The following DSCAML1 variants were observed in gnomAD, a reference collection of about 807,000 sequenced individuals.
DSCAML1 encodes the protein DS cell adhesion molecule like 1.
Under a neutral mutation model 200.5 loss-of-function variants are expected in DSCAML1, and 38 were observed. The observed-to-expected ratio is 0.19, with a 90% CI of 0.15 to 0.25. The LOEUF (loss-of-function observed/expected upper bound fraction) is 0.25, where lower values mean the gene tolerates loss of function less well. Ranked by LOEUF, DSCAML1 falls within the 10% of genes least tolerant of loss-of-function variation. The pLI is 1.00. For synonymous variants in DSCAML1, 1,215 were observed against 1,165.0 expected (o/e 1.04, Z -0.87); for missense variants, 2,223 against 2,858.8 (o/e 0.78, Z 5.07).
chr11:117,697,669 C>T (rs1032742684), intron 3 of DSCAML1, among the ~76,000 whole-genome samples: 1 of 151,804 alleles, frequency 6.6e-6, no homozygotes, highest in Non-Finnish European at 1.5e-5. Flanking sequence ...CTAGGTACCT[C>T]GTATAAGTGG....
Position 117,797,157 on chromosome 11 carries a change from G to A in DSCAML1, c.-78C>T, listed in dbSNP as rs764301173. On this transcript the variant is annotated 5_prime_UTR_variant, in exon 1 of 33. Transcript: ENST00000651296. Reference sequence around the variant, plus strand: ...GCAGCGCCTCTCCCCCGCTCAGCGCGCTCCCAGCCGCCCGCACTCGGCGCC... The same window carrying A: ...GCAGCGCCTCTCCCCCGCTCAGCGCACTCCCAGCCGCCCGCACTCGGCGCC... 1.0e-5 allele frequency: 16 copies of A among 1,585,688 alleles called. No homozygotes were observed. Among genetic ancestry groups the A allele is most frequent in the South Asian group, 5.7e-5 (5 of 87,626 alleles).
chr11:117,815,829 G>A (rs1317419699), intron 1 of DSCAML1, among the ~76,000 whole-genome samples: 12 of 150,962 alleles, frequency 7.9e-5, no homozygotes, highest in African/African-American at 2.7e-4. Flanking sequence ...GCTCTGCCCT[G>A]GTCTCCCGCC....
rs1049313379 is a variant in DSCAML1, at chr11:117,481,981, C to T, written c.2541G>A (p.Glu847=). The T allele has an allele frequency of 3.1e-6, 5 of 1,613,986 alleles. No homozygotes were observed. Among genetic ancestry groups the T allele is most frequent in the Non-Finnish European group, 4.2e-6 (5 of 1,180,012 alleles). ...YAIATKDNGD[E]VVSTLKLKPA... ...TGCTCACCTTCAGTGTGGAGACGACCTCGTCGCCGTTGTCCTTGGTGGCGA... is the reference window on the plus strand; with the variant it reads ...TGCTCACCTTCAGTGTGGAGACGACTTCGTCGCCGTTGTCCTTGGTGGCGA... The change falls in exon 12 of 33, where the codon GAG becomes GAA. Residue 847 remains glutamate (E), a synonymous_variant. Transcript: ENST00000651296.
intron 3 of DSCAML1, among the ~76,000 whole-genome samples, chr11:117,654,300 A>G (rs2052691507): frequency 6.6e-6 from 1 of 152,198 alleles, no homozygotes. Flanking sequence ...CTGTGAGTAT[A>G]CTAAAGATCA....
chr11:117,680,020 C>G (rs1292952256), intron 3 of DSCAML1, among the ~76,000 whole-genome samples: 1 of 152,196 alleles, frequency 6.6e-6, no homozygotes, highest in East Asian at 1.9e-4. Context: ...TTTCCTTCCA[C>G]TCTCAGCACC....
chr11:117,528,401 C>G (rs2050017411), intron 4 of DSCAML1, among the ~76,000 whole-genome samples: 3 of 152,228 alleles, frequency 2.0e-5, no homozygotes, highest in Non-Finnish European at 4.4e-5. Context: ...TACTCCAGAG[C>G]AGAAGTAAAA....
At chr11:117,711,926 C>T (rs2053856636) in intron 3 of DSCAML1, among the ~76,000 whole-genome samples, 1 of 152,196 alleles carries the variant, frequency 6.6e-6, no homozygotes, top group East Asian at 1.9e-4. Flanking sequence ...ACTCCCATTA[C>T]ATTTGTTAAC....
chr11:117,476,082 G>A (rs987952657), intron 14 of DSCAML1, among the ~76,000 whole-genome samples: 5 of 152,100 alleles, frequency 3.3e-5, no homozygotes, highest in Non-Finnish European at 5.9e-5. Context: ...CCTTTCATAT[G>A]AGCCTGGCTT....
At chr11:117,623,278 G>A (rs976729044) in intron 3 of DSCAML1, among the ~76,000 whole-genome samples, 1 of 146,554 alleles carries the variant, frequency 6.8e-6, no homozygotes, top group Non-Finnish European at 1.5e-5. Context: ...GTGCAGTGGC[G>A]TGATCTCAGT....
At chr11:117,625,141 TC>T (rs953439939) in intron 3 of DSCAML1, among the ~76,000 whole-genome samples, 1 of 151,644 alleles carries the variant, frequency 6.6e-6, no homozygotes, top group African/African-American at 2.4e-5. Flanking sequence ...AGTCTCTACC[TC>T]TCCCACCCCA....
chr11:117,610,357 C>T (rs1263996662), intron 3 of DSCAML1, among the ~76,000 whole-genome samples: 2 of 152,190 alleles, frequency 1.3e-5, no homozygotes, highest in African/African-American at 2.4e-5. Flanking sequence ...ACATTACACT[C>T]ACACCTCCAG....
intron 3 of DSCAML1, among the ~76,000 whole-genome samples, chr11:117,625,578 T>C (rs564485538): frequency 2.6e-5 from 4 of 152,304 alleles, no homozygotes; most frequent in African/African-American, 9.6e-5. Context: ...AGGTCAGCCC[T>C]AGCGTCCAGG....
At chr11:117,583,215 C>T (rs964248481) in intron 3 of DSCAML1, among the ~76,000 whole-genome samples, 2 of 151,962 alleles carry the variant, frequency 1.3e-5, no homozygotes, top group African/African-American at 4.8e-5. Flanking sequence ...TACCCATTGT[C>T]AGTGCAGCTT....
chr11:117,779,073 T>A (rs2055184697), intron 2 of DSCAML1, among the ~76,000 whole-genome samples: 1 of 152,092 alleles, frequency 6.6e-6, no homozygotes, highest in Non-Finnish European at 1.5e-5. Flanking sequence ...CCCCAAGAAG[T>A]CAGAGAGGGT....
intron 1 of DSCAML1, among the ~76,000 whole-genome samples, chr11:117,805,501 A>G (rs1390278388): frequency 1.3e-5 from 2 of 152,248 alleles, no homozygotes; most frequent in Admixed American, 1.3e-4. Flanking sequence ...TTTGGAAAAC[A>G]GTGGAATAAT....
chr11:117,467,175 G>A (rs962023956), intron 16 of DSCAML1, among the ~76,000 whole-genome samples: 21 of 144,024 alleles, frequency 1.5e-4, no homozygotes, highest in Non-Finnish European at 2.7e-4. Flanking sequence ...GTGCGCGCAC[G>A]CATGCGCGTG....
intron 3 of DSCAML1, among the ~76,000 whole-genome samples, chr11:117,587,254 C>CA (rs1405612935): frequency 1.9e-4 from 3 of 16,054 alleles, no homozygotes; most frequent in South Asian, 2.2e-3. Flanking sequence ...TTCTTTCCAA[C>CA]CCCCCCCCAC....
intron 3 of DSCAML1, among the ~76,000 whole-genome samples, chr11:117,739,941 A>C (rs942229406): frequency 1.3e-5 from 2 of 152,218 alleles, no homozygotes; most frequent in Non-Finnish European, 2.9e-5. Context: ...CTCTGCTCAG[A>C]TCCATCTGCT....
chr11:117,593,139 CCAGCT>C (rs2051291324), intron 3 of DSCAML1, among the ~76,000 whole-genome samples: 4 of 152,092 alleles, frequency 2.6e-5, no homozygotes, highest in African/African-American at 9.7e-5. Flanking sequence ...GGGCATAGGC[CCAGCT>C]CCTCCATCCC....
Sources: gnomAD v4.1 joint callset for allele counts (sites outside exome capture counted in the v4.1 genomes callset) on GRCh38, gnomAD v4.1.1 for gene constraint, MANE v1.5 for transcripts, NCBI Gene and HGNC (gene_info 2026-07-23, HGNC 2026-07-21) for gene names.